The following UROC1 variants were observed in gnomAD, a reference collection of about 807,000 sequenced individuals.
UROC1 encodes urocanate hydratase 1.
UROC1 carries 79 observed loss-of-function variants against 89.5 expected under a neutral mutation model. That is an observed-to-expected ratio of 0.88 (90% CI 0.74 to 1.06). UROC1 has a LOEUF of 1.06. Among genes scored for constraint, UROC1 ranks in the 50% least tolerant of loss-of-function variants. The probability of loss-of-function intolerance (pLI) is 0.00; values close to 1 mark genes in which losing one functional copy is unlikely to be tolerated. For synonymous variants in UROC1, 361 were observed against 354.8 expected, an observed-to-expected ratio of 1.02 and a Z score of -0.20; for missense variants, 885 against 907.8, an observed-to-expected ratio of 0.97 and a Z score of 0.32.
intron 9 of UROC1, chr3:126,501,727 G>T: frequency 6.6e-7 from 1 of 1,520,372 alleles, no homozygotes; most frequent in Non-Finnish European, 9.0e-7. Flanking sequence ...CTTGCAGGTA[G>T]TAGAGATATC....
At chr3:126,488,166 A>T in intron 18 of UROC1, 32 bp downstream of exon 18, 1 of 1,613,458 alleles carries the variant, frequency 6.2e-7, no homozygotes, top group Non-Finnish European at 8.5e-7. Context: ...CTTCCACATC[A>T]GCCCACACCC....
intron 16 of UROC1, among the ~76,000 whole-genome samples, chr3:126,490,151 C>T (rs1935609119): frequency 6.6e-6 from 1 of 152,244 alleles, no homozygotes; most frequent in Non-Finnish European, 1.5e-5. Flanking sequence ...GCCAGTCTCT[C>T]TGAGGACAAA....
chr3:126,494,373 G>C (rs532128695), intron 15 of UROC1, among the ~76,000 whole-genome samples: 1 of 152,188 alleles, frequency 6.6e-6, no homozygotes, highest in Non-Finnish European at 1.5e-5. Flanking sequence ...ATCCTCTCAG[G>C]CTATCCCCCC....
chr3:126,505,940 CT>C lies in UROC1; in HGVS notation c.669+4del. ...CCCACAGCCAGGCGTGGCCCCATCTCTCACCACAGTGCCATGAACGATTCCC... is the reference window on the plus strand; with the variant it reads ...CCCACAGCCAGGCGTGGCCCCATCTCCACCACAGTGCCATGAACGATTCCC... On this transcript the variant is annotated splice_donor_region_variant and intron_variant, in intron 7 of 19. Transcript: ENST00000290868. 1 of 1,607,844 alleles carries C rather than the reference CT, an allele frequency of 6.2e-7. No homozygotes were observed. The highest frequency in any genetic ancestry group is 8.5e-7 in the Non-Finnish European group (1 of 1,177,014).
intron 11 of UROC1, 142 bp downstream of exon 11, chr3:126,500,553 G>T: frequency 1.0e-6 from 1 of 1,000,810 alleles, no homozygotes; most frequent in Admixed American, 1.7e-5. Flanking sequence ...TCCGTCTGAT[G>T]GGTGGAGGCA....
At chr3:126,515,520 C>G (rs1936285172) in intron 1 of UROC1, among the ~76,000 whole-genome samples, 1 of 135,116 alleles carries the variant, frequency 7.4e-6, no homozygotes, top group African/African-American at 2.8e-5. Flanking sequence ...GTACCCACCA[C>G]CTACCCTCCT....
intron 7 of UROC1, 50 bp downstream of exon 7, chr3:126,505,895 C>T (rs1419588109): frequency 6.2e-7 from 1 of 1,611,122 alleles, no homozygotes; most frequent in African/African-American, 1.3e-5. Flanking sequence ...CCCGCCCCCT[C>T]CACCCCCCAT....
At chr3:126,492,351 G>T in intron 16 of UROC1, 67 bp downstream of exon 16, 2 of 1,466,906 alleles carry the variant, frequency 1.4e-6, no homozygotes, top group Non-Finnish European at 1.9e-6. Flanking sequence ...ACGCAGGAAG[G>T]CCCAAGGCAG....
At position 126,505,973 on chromosome 3, in the gene UROC1, C is replaced by T; in HGVS notation, c.641G>A (p.Gly214Asp). ...QMTAGSYCYI[G>D]PQGIVHGTVL... is the part of the protein sequence containing the mutation. Reference sequence around the variant, plus strand: ...AGTGCCATGAACGATTCCCTGGGGACCGATGTAGCAGTAGCTACCTGCTGT... The same window carrying T: ...AGTGCCATGAACGATTCCCTGGGGATCGATGTAGCAGTAGCTACCTGCTGT... Residue 214 changes from glycine (G) to aspartate (D), a missense_variant, in exon 7 of 20, where the codon GGT (glycine) becomes GAT (aspartate). By Grantham distance (94) the Gly-to-Asp change is moderately conservative. Transcript: ENST00000290868. 1 of 1,613,368 alleles carries T rather than the reference C, an allele frequency of 6.2e-7. No homozygotes were observed. The highest frequency in any genetic ancestry group is 8.5e-7 in the Non-Finnish European group (1 of 1,180,000).
At chr3:126,515,007 A>G (rs1258728133) in intron 1 of UROC1, among the ~76,000 whole-genome samples, 8 of 152,046 alleles carry the variant, frequency 5.3e-5, no homozygotes, top group African/African-American at 1.9e-4. Flanking sequence ...GGACTCAGGG[A>G]GCCGCCCGTA....
chr3:126,501,722 A>C lies in UROC1; in HGVS notation c.903-442T>G, dbSNP rs73859503. The stretch of plus-strand genomic sequence containing the variant: ...AACAGAAGATTTGAACAGGCCTTGC[A>C]GGTAGTAGAGATATCAAAAAGCAGC... On this transcript the variant is annotated intron_variant, in intron 9 of 19. Transcript: ENST00000290868. 2.9e-3 allele frequency: 4,273 copies of C among 1,484,140 alleles called. 103 individuals are homozygous for C. The African/African-American group carries it at 0.052, about 18-fold the overall frequency. 91.9% of individuals were successfully genotyped at this position (1,484,140 alleles called of 1,614,324 possible).
intron 3 of UROC1, among the ~76,000 whole-genome samples, chr3:126,509,247 A>G (rs2107549029): frequency 6.6e-6 from 1 of 151,890 alleles, no homozygotes; most frequent in East Asian, 1.9e-4. Flanking sequence ...CTAAAAAAAA[A>G]AAAAAAAGTA....
At chr3:126,515,943 C>T (rs1218892004) in intron 1 of UROC1, among the ~76,000 whole-genome samples, 1 of 16,602 alleles carries the variant, frequency 6.0e-5, no homozygotes, top group Non-Finnish European at 1.3e-4. Flanking sequence ...CACCTACCCT[C>T]CCTTGTCCCC....
At position 126,498,182 on chromosome 3, in the gene UROC1, C is replaced by T; in HGVS notation, c.1317-10G>A. Reference sequence around the variant, plus strand: ...CTGGGAGAATATGTCCCTGCAAGCACAGATGCCTCCTCACCCTGGGCCCGC... The same window carrying T: ...CTGGGAGAATATGTCCCTGCAAGCATAGATGCCTCCTCACCCTGGGCCCGC... On this transcript the variant is annotated splice_polypyrimidine_tract_variant and intron_variant, in intron 13 of 19. Coordinates refer to ENST00000290868, the MANE Select transcript of UROC1 (RefSeq NM_144639.3). The T allele has an allele frequency of 1.2e-6, 2 of 1,614,170 alleles. No individual in the cohort carries two copies. Among genetic ancestry groups the T allele is most frequent in the Non-Finnish European group, 1.7e-6 (2 of 1,180,030 alleles).
intron 16 of UROC1, among the ~76,000 whole-genome samples, chr3:126,489,993 G>A (rs756861670): frequency 1.1e-4 from 16 of 152,130 alleles, no homozygotes; most frequent in East Asian, 3.9e-4. Context: ...CAATAGAGAC[G>A]TGGCTGGCTG....
At chr3:126,517,392 C>T (rs922121591) in intron 1 of UROC1, among the ~76,000 whole-genome samples, 9 of 152,146 alleles carry the variant, frequency 5.9e-5, no homozygotes, top group Admixed American at 2.0e-4. Flanking sequence ...TAAACAGGCA[C>T]GGCGATCCTG....
At chr3:126,502,954 A>G (rs926011152) in intron 9 of UROC1, among the ~76,000 whole-genome samples, 7 of 150,636 alleles carry the variant, frequency 4.6e-5, no homozygotes, top group South Asian at 2.1e-4. Flanking sequence ...TGTGTGTTAT[A>G]TGTGTGTTTA....
chr3:126,512,208 G>C (rs1936211444), intron 1 of UROC1, among the ~76,000 whole-genome samples: 1 of 152,230 alleles, frequency 6.6e-6, no homozygotes, highest in Non-Finnish European at 1.5e-5. Flanking sequence ...ACTGTGGGTG[G>C]CCTGGAGGGA....
At chr3:126,482,617 G>A (rs1178048885) in intron 19 of UROC1, 132 bp from the exon 20 acceptor site, 2 of 1,367,712 alleles carry the variant, frequency 1.5e-6, no homozygotes, top group Non-Finnish European at 2.1e-6. Context: ...GCCCTTTTGT[G>A]TCTGCCCCAT....
Sources: gnomAD v4.1 joint callset for allele counts (sites outside exome capture counted in the v4.1 genomes callset) on GRCh38, gnomAD v4.1.1 for gene constraint, MANE v1.5 for transcripts, NCBI Gene and HGNC (gene_info 2026-07-23, HGNC 2026-07-21) for gene names.